PHKB: variants seen among roughly 807,000 people sequenced by gnomAD.
PHKB encodes phosphorylase b kinase regulatory subunit beta.
A neutral mutation model predicts 152.1 loss-of-function variants in PHKB; 122 were observed. The observed-to-expected ratio is 0.80, with a 90% CI of 0.69 to 0.93. The LOEUF (loss-of-function observed/expected upper bound fraction) is 0.93. PHKB is among the 40% of genes least tolerant of loss of function. PHKB has a pLI of 0.00. For synonymous variants in PHKB, 436 were observed against 464.9 expected, an observed-to-expected ratio of 0.94 and a Z score of 0.80; for missense variants, 1,304 against 1,328.4, an observed-to-expected ratio of 0.98 and a Z score of 0.29.
intron 7 of PHKB, among the ~76,000 whole-genome samples, chr16:47,558,936 G>GA: frequency 6.6e-6 from 1 of 152,250 alleles, no homozygotes; most frequent in Admixed American, 6.5e-5. Flanking sequence ...ACAGAACCTT[G>GA]GACTGGCTAC....
chr16:47,508,088 T>A (rs1288770229), intron 4 of PHKB, among the ~76,000 whole-genome samples: 2 of 152,230 alleles, frequency 1.3e-5, no homozygotes, highest in Non-Finnish European at 2.9e-5. Context: ...TGATTTCTCA[T>A]CATAAAACAT....
chr16:47,466,941 T>G (rs1969680061), intron 1 of PHKB, among the ~76,000 whole-genome samples: 1 of 152,172 alleles, frequency 6.6e-6, no homozygotes, highest in Admixed American at 6.5e-5. Context: ...TACACCTGGG[T>G]CTGATTCAGG....
intron 1 of PHKB, among the ~76,000 whole-genome samples, chr16:47,470,241 A>G (rs1044612325): frequency 6.6e-6 from 1 of 152,246 alleles, no homozygotes; most frequent in Admixed American, 6.5e-5. Context: ...GCCAGTCATT[A>G]GCATTGTTTC....
rs78667243 is a variant in PHKB at position 47,593,552 on chromosome 16, T to C, written c.1121T>C (p.Ile374Thr). ...EFPIFFLYMM[I>T]DGVFRGNPKQ... ...CCCATATTTTTCCTTTATATGATGA[T>C]TGATGGTAAGTAAGCTTTTTCCTGA... The change falls in exon 11 of 31, where the codon ATT becomes ACT. Residue 374 changes from isoleucine to threonine, a missense_variant. By Grantham distance (89) the Ile-to-Thr change is moderately conservative. Transcript: ENST00000323584. 4.6e-5 allele frequency: 69 copies of C among 1,486,190 alleles called. No homozygotes were observed. In the East Asian group the frequency reaches 1.5e-3, roughly 32 times the overall value. The allele number at this position is 1,486,190 out of a possible 1,614,324, so 92.1% of individuals were successfully genotyped here.
At chr16:47,554,957 T>C (rs1971343301) in intron 7 of PHKB, among the ~76,000 whole-genome samples, 1 of 152,242 alleles carries the variant, frequency 6.6e-6, no homozygotes, top group African/African-American at 2.4e-5. Context: ...GAGCTGTTCC[T>C]ATTTGGCCAT....
At chr16:47,546,656 C>T (rs139556738) in intron 6 of PHKB, among the ~76,000 whole-genome samples, 39 of 152,248 alleles carry the variant, frequency 2.6e-4, no homozygotes, top group African/African-American at 8.4e-4. Context: ...TGGACTGGGA[C>T]GTTTAACTCT....
intron 1 of PHKB, among the ~76,000 whole-genome samples, chr16:47,464,560 A>C (rs577832077): frequency 6.6e-6 from 1 of 152,228 alleles, no homozygotes; most frequent in South Asian, 2.1e-4. Flanking sequence ...CCCCTTTGAG[A>C]GCTGGATGAA....
At chr16:47,665,056 T>C (rs1973514572) in intron 25 of PHKB, 81 bp downstream of exon 25, 5 of 888,740 alleles carry the variant, frequency 5.6e-6, no homozygotes, top group Non-Finnish European at 9.4e-6. Context: ...ATATGTCTTT[T>C]GGTCTTATAG....
intron 1 of PHKB, among the ~76,000 whole-genome samples, chr16:47,493,913 C>G (rs565977554): frequency 1.3e-5 from 2 of 152,296 alleles, no homozygotes; most frequent in South Asian, 4.1e-4. Flanking sequence ...AGTCACAAAT[C>G]CGAGGTCAAC....
At chr16:47,641,357 A>G (rs1472689885) in intron 15 of PHKB, among the ~76,000 whole-genome samples, 1 of 152,164 alleles carries the variant, frequency 6.6e-6, no homozygotes, top group Non-Finnish European at 1.5e-5. Flanking sequence ...ATTCATGCAA[A>G]CACATGGGGA....
At chr16:47,608,773 A>G (rs1372837616) in intron 13 of PHKB, among the ~76,000 whole-genome samples, 2 of 152,210 alleles carry the variant, frequency 1.3e-5, no homozygotes, top group African/African-American at 4.8e-5. Flanking sequence ...TCAGTTGACT[A>G]TACATGCAAG....
intron 27 of PHKB, among the ~76,000 whole-genome samples, chr16:47,692,865 G>T (rs1974086018): frequency 6.6e-6 from 1 of 152,012 alleles, no homozygotes. Context: ...CTTCTATAAG[G>T]TTTAAAATAA....
intron 7 of PHKB, among the ~76,000 whole-genome samples, chr16:47,564,859 T>A (rs1971537749): frequency 6.6e-6 from 1 of 152,200 alleles, no homozygotes; most frequent in Admixed American, 6.5e-5. Flanking sequence ...GAGTATTCTT[T>A]CCCCAGTGTG....
chr16:47,614,883 A>G (rs575565042), intron 14 of PHKB, among the ~76,000 whole-genome samples: 1 of 152,082 alleles, frequency 6.6e-6, no homozygotes, highest in African/African-American at 2.4e-5. Flanking sequence ...CTGTTTGGAG[A>G]CCTTCCTTTA....
intron 13 of PHKB, among the ~76,000 whole-genome samples, chr16:47,602,929 C>T (rs2151705358): frequency 6.6e-6 from 1 of 152,286 alleles, no homozygotes; most frequent in East Asian, 1.9e-4. Flanking sequence ...ATACTTCTCT[C>T]TGTCTCTCTC....
chr16:47,522,418 G>C (rs1160424105), intron 6 of PHKB, among the ~76,000 whole-genome samples: 1 of 151,790 alleles, frequency 6.6e-6, no homozygotes, highest in Non-Finnish European at 1.5e-5. Flanking sequence ...TTAATAGTTT[G>C]AGTCTTATCC....
chr16:47,647,316 G>T (rs1851990249), intron 16 of PHKB, among the ~76,000 whole-genome samples: 2 of 152,002 alleles, frequency 1.3e-5, no homozygotes, highest in African/African-American at 4.8e-5. Context: ...TAGAGACCGG[G>T]TTTCACCATG....
At chr16:47,467,955 A>G (rs936920230) in intron 1 of PHKB, among the ~76,000 whole-genome samples, 1 of 152,236 alleles carries the variant, frequency 6.6e-6, no homozygotes, top group Admixed American at 6.5e-5. Flanking sequence ...ATGTAACCGG[A>G]ACAAAACAGA....
chr16:47,641,060 T>C lies in PHKB; in HGVS notation c.1484T>C (p.Val495Ala), dbSNP rs1223659521. Residue 495 changes from valine to alanine, a missense_variant, in exon 15 of 31, where the codon GTT becomes GCT. By Grantham distance (64) the Val-to-Ala change is moderately conservative. Transcript: ENST00000323584. ...NQGPLENDLV[V>A]HVALIAESQR... ...GGCCCACTGGAAAATGACTTGGTAG[T>C]TCATGTGGCACTTATAGCAGAAAGC... The C allele has an allele frequency of 6.2e-7, 1 of 1,613,970 alleles. No homozygotes were observed. The highest frequency in any genetic ancestry group is 1.7e-5 in the Admixed American group (1 of 59,992).
Sources: gnomAD v4.1 joint callset for allele counts (sites outside exome capture counted in the v4.1 genomes callset) on GRCh38, gnomAD v4.1.1 for gene constraint, MANE v1.5 for transcripts, NCBI Gene and HGNC (gene_info 2026-07-23, HGNC 2026-07-21) for gene names.